The following UMAD1 variants were observed in gnomAD, a reference collection of about 807,000 sequenced individuals.
The protein encoded by UMAD1 is UBAP1-MVB12-associated (UMA) domain containing 1.
UMAD1 carries 8 observed loss-of-function variants against 6.1 expected under a neutral mutation model. The observed-to-expected ratio is 1.30, with a 90% CI of 0.76 to 2.35. The LOEUF (loss-of-function observed/expected upper bound fraction) is 2.35. Ranked by LOEUF, UMAD1 falls within the 30% of genes most tolerant of loss-of-function variation. UMAD1 has a pLI of 0.00. For synonymous variants in UMAD1, 56 were observed against 31.4 expected (o/e 1.78, Z -2.61); for missense variants, 130 against 78.4 (o/e 1.66, Z -2.49).
chr7:7,744,690 C>T (rs1210314141), intron 2 of UMAD1, among the ~76,000 whole-genome samples: 5 of 150,386 alleles, frequency 3.3e-5, no homozygotes, highest in African/African-American at 9.8e-5. Flanking sequence ...ATGATGTTTT[C>T]GTGTGCTTAT....
intron 3 of UMAD1, among the ~76,000 whole-genome samples, chr7:7,810,440 G>A (rs1290944005): frequency 2.0e-5 from 3 of 152,012 alleles, no homozygotes; most frequent in Non-Finnish European, 4.4e-5. Context: ...ATATTTTTCA[G>A]TTTTTATAAA....
intron 2 of UMAD1, among the ~76,000 whole-genome samples, chr7:7,685,423 C>T (rs1780021604): frequency 6.6e-6 from 1 of 151,808 alleles, no homozygotes; most frequent in Non-Finnish European, 1.5e-5. Flanking sequence ...GATTCTCCTG[C>T]CTCAGCCTTC....
intron 3 of UMAD1, among the ~76,000 whole-genome samples, chr7:7,832,932 G>A (rs1267544263): frequency 6.6e-6 from 1 of 152,116 alleles, no homozygotes; most frequent in Non-Finnish European, 1.5e-5. Flanking sequence ...ATAGACAGGG[G>A]GGAACGTTTG....
intron 2 of UMAD1, among the ~76,000 whole-genome samples, chr7:7,782,338 C>G (rs1377258914): frequency 6.6e-6 from 1 of 151,998 alleles, no homozygotes; most frequent in Non-Finnish European, 1.5e-5. Flanking sequence ...TTTAGTGATT[C>G]TCTTCCTTCT....
At chr7:7,709,977 A>G (rs755640457) in intron 2 of UMAD1, among the ~76,000 whole-genome samples, 18 of 152,126 alleles carry the variant, frequency 1.2e-4, no homozygotes, top group Non-Finnish European at 2.1e-4. Flanking sequence ...TAGTGTTAAC[A>G]TATTTTTCAT....
Position 7,777,574 on chromosome 7 carries a change from A to AATATATATATATATATATAT in UMAD1, c.83-24087_83-24068dup, listed in dbSNP as rs58039932. Among the ~76,000 whole-genome samples, 347 of 113,444 alleles carry AATATATATATATATATATAT rather than the reference A, an allele frequency of 3.1e-3. 7 individuals are homozygous for AATATATATATATATATATAT. Among genetic ancestry groups the AATATATATATATATATATAT allele is most frequent in the African/African-American group, 6.3e-3 (160 of 25,364 alleles). The allele number at this position is 113,444 out of a possible 152,430, so 74.4% of individuals were successfully genotyped here. The stretch of plus-strand genomic sequence containing the variant: ...ATTTATGTCATTTCATACATGAGCA[A>AATATATATATATATATATAT]ATATATATATATATATATATATATA... On this transcript the variant is annotated intron_variant, in intron 2 of 3. Coordinates refer to ENST00000682710, the MANE Select transcript of UMAD1 (RefSeq NM_001302348.2).
At chr7:7,769,068 C>A (rs375079501) in intron 2 of UMAD1, among the ~76,000 whole-genome samples, 1 of 152,140 alleles carries the variant, frequency 6.6e-6, no homozygotes, top group Non-Finnish European at 1.5e-5. Flanking sequence ...AGCAGAAACA[C>A]CAAGACCAGA....
chr7:7,694,525 C>T (rs927193978), intron 2 of UMAD1, among the ~76,000 whole-genome samples: 5 of 151,936 alleles, frequency 3.3e-5, no homozygotes, highest in African/African-American at 1.2e-4. Flanking sequence ...CCATTCCCCA[C>T]CCCACCCCCA....
intron 2 of UMAD1, among the ~76,000 whole-genome samples, chr7:7,787,232 C>A (rs1782478247): frequency 6.6e-6 from 1 of 152,040 alleles, no homozygotes. Context: ...ATTAGAAATA[C>A]AGGTTTAAAG....
At chr7:7,748,524 T>C (rs1541550) in intron 2 of UMAD1, among the ~76,000 whole-genome samples, 20,254 of 152,028 alleles carry the variant, frequency 0.13, 2,258 homozygotes, top group African/African-American at 0.31. Flanking sequence ...TGTAATTTTT[T>C]GAGGGGATCA....
intron 2 of UMAD1, among the ~76,000 whole-genome samples, chr7:7,687,073 C>T (rs1446591301): frequency 1.3e-5 from 2 of 152,178 alleles, no homozygotes; most frequent in East Asian, 1.9e-4. Context: ...ATGTGAGACA[C>T]AAAGTTCTGT....
intron 2 of UMAD1, among the ~76,000 whole-genome samples, chr7:7,763,207 A>G (rs1427472208): frequency 6.6e-6 from 1 of 152,140 alleles, no homozygotes; most frequent in Non-Finnish European, 1.5e-5. Flanking sequence ...AGTGCTTTTT[A>G]TTTAATTAAA....
At chr7:7,864,827 A>T (rs1784197426) in intron 3 of UMAD1, among the ~76,000 whole-genome samples, 1 of 152,188 alleles carries the variant, frequency 6.6e-6, no homozygotes, top group Non-Finnish European at 1.5e-5. Flanking sequence ...GGTTGGAACC[A>T]TCAGACCCAC....
At chr7:7,841,701 A>T (rs1783685026) in intron 3 of UMAD1, among the ~76,000 whole-genome samples, 2 of 152,196 alleles carry the variant, frequency 1.3e-5, no homozygotes, top group Non-Finnish European at 2.9e-5. Flanking sequence ...CAGCTTAGAA[A>T]AGACAATATC....
chr7:7,855,982 T>C (rs370794257), intron 3 of UMAD1, among the ~76,000 whole-genome samples: 1 of 152,194 alleles, frequency 6.6e-6, no homozygotes, highest in Non-Finnish European at 1.5e-5. Context: ...CCAGTTCCCA[T>C]CAAGTTTCTT....
At chr7:7,738,408 AC>A (rs1781402190) in intron 2 of UMAD1, 1 of 152,200 alleles carries the variant, frequency 6.6e-6, no homozygotes, top group South Asian at 2.1e-4. Flanking sequence ...GATACTAACC[AC>A]TGGTTCAAGC....
chr7:7,674,889 A>T (rs1779700234), intron 2 of UMAD1, among the ~76,000 whole-genome samples: 1 of 152,046 alleles, frequency 6.6e-6, no homozygotes, highest in South Asian at 2.1e-4. Context: ...CTTCTCTCAG[A>T]ATTTTTTCCA....
At chr7:7,782,541 T>A (rs1290152816) in intron 2 of UMAD1, among the ~76,000 whole-genome samples, 2 of 152,136 alleles carry the variant, frequency 1.3e-5, no homozygotes, top group Admixed American at 6.5e-5. Context: ...AAATTTTTTT[T>A]ATTTTCTTTT....
intron 3 of UMAD1, among the ~76,000 whole-genome samples, chr7:7,864,727 C>A (rs1784195339): frequency 6.6e-6 from 1 of 150,618 alleles, no homozygotes; most frequent in East Asian, 1.9e-4. Context: ...ATCTGAGGAC[C>A]CACTGTACTA....
Sources: allele counts gnomAD v4.1 joint callset (sites outside exome capture counted in the v4.1 genomes callset), GRCh38; gene constraint gnomAD v4.1.1; transcripts MANE v1.5; gene names NCBI Gene and HGNC (gene_info 2026-07-23, HGNC 2026-07-21).